DENND2C: variants seen among roughly 807,000 people sequenced by gnomAD.
DENND2C encodes the protein DENN domain containing 2C, also known as DENN domain-containing protein 2C.
A neutral mutation model predicts 112.4 loss-of-function variants in DENND2C; 72 were observed. That is an observed-to-expected ratio of 0.64 (90% CI 0.53 to 0.78). DENND2C has a LOEUF of 0.78. Ranked by LOEUF, DENND2C falls within the 30% of genes least tolerant of loss-of-function variation. DENND2C has a pLI of 0.00. For synonymous variants in DENND2C, 329 were observed against 381.6 expected, an observed-to-expected ratio of 0.86 and a Z score of 1.61; for missense variants, 992 against 1,113.8, an observed-to-expected ratio of 0.89 and a Z score of 1.56.
At chr1:114,612,399 TA>T (rs1655846501) in intron 8 of DENND2C, among the ~76,000 whole-genome samples, 1 of 150,790 alleles carries the variant, frequency 6.6e-6, no homozygotes, top group Non-Finnish European at 1.5e-5. Flanking sequence ...CTGCACAGGC[TA>T]CAGTGCAGTG....
In DENND2C at chr1:114,626,085, TC is replaced by T. The variant is rs1206001374; in HGVS notation, c.-102del. On this transcript the variant is annotated 5_prime_UTR_variant, in exon 4 of 21. The change creates a premature stop within an existing upstream ORF in the 5' untranslated region. Coordinates refer to ENST00000393274, the MANE Select transcript of DENND2C (RefSeq NM_001256404.2). ...TTTATCCTGTCAGAATCCAAATGAT[TC>T]CAGTATTTTCCCTTCATGTTTAACT... The T allele has an allele frequency of 8.4e-7, 1 of 1,193,366 alleles. No homozygotes were observed. The highest frequency in any genetic ancestry group is 1.5e-5 in the African/African-American group (1 of 65,456). 73.9% of individuals were successfully genotyped at this position (1,193,366 alleles called of 1,614,324 possible).
chr1:114,584,085 T>C lies in DENND2C; in HGVS notation c.*1515A>G, dbSNP rs908922865. The C allele has an allele frequency of 1.3e-5, 2 of 152,140 alleles. No homozygotes were observed. Among genetic ancestry groups the C allele is most frequent in the Admixed American group, 1.3e-4 (2 of 15,268 alleles). 9.4% of individuals were successfully genotyped at this position (152,140 alleles called of 1,614,324 possible). ...TATCCTCAGAGCTGAAAAGTGGCTC[T>C]GGTACACTTAATAGAAAATTTTTAT... On this transcript the variant is annotated 3_prime_UTR_variant, in exon 21 of 21. Transcript: ENST00000393274.
intron 2 of DENND2C, among the ~76,000 whole-genome samples, chr1:114,649,451 T>C (rs554119385): frequency 3.9e-5 from 6 of 152,222 alleles, no homozygotes; most frequent in Admixed American, 1.3e-4. Context: ...CATAGTTTAC[T>C]GCAGCCTTGA....
In DENND2C at chr1:114,625,267, T is replaced by C. The variant is rs1002567980; in HGVS notation, c.718A>G (p.Asn240Asp). Residue 240 changes from asparagine (N) to aspartate (D), a missense_variant, in exon 4 of 21, where the codon AAT becomes GAT. By Grantham distance (23) the Asn-to-Asp change is conservative. Coordinates refer to ENST00000393274, the MANE Select transcript of DENND2C (RefSeq NM_001256404.2). ...ERNCDKKYCE[N>D]NSCAQSSLAS... ...AAAGAAGATTGTGCACAAGAGTTATTTTCACAGTATTTTTTGTCACAGTTT... is the reference window on the plus strand; with the variant it reads ...AAAGAAGATTGTGCACAAGAGTTATCTTCACAGTATTTTTTGTCACAGTTT... 6.2e-7 allele frequency: 1 copy of C among 1,614,170 alleles called. No individual in the cohort carries two copies. The highest frequency in any genetic ancestry group is 1.3e-5 in the African/African-American group (1 of 75,064).
intron 3 of DENND2C, among the ~76,000 whole-genome samples, chr1:114,641,186 C>G (rs1656826602): frequency 1.3e-5 from 2 of 149,948 alleles, no homozygotes; most frequent in Admixed American, 1.3e-4. Context: ...ATCCCAGTAC[C>G]TGTTGGGAGG....
intron 7 of DENND2C, 87 bp from the exon 8 acceptor site, chr1:114,618,569 T>G: frequency 1.4e-6 from 1 of 726,644 alleles, no homozygotes; most frequent in South Asian, 2.6e-5. Flanking sequence ...GGATTCTTAT[T>G]CAGAGAAAAG....
At chr1:114,653,430 T>C (rs1293511387) in intron 2 of DENND2C, among the ~76,000 whole-genome samples, 1 of 152,106 alleles carries the variant, frequency 6.6e-6, no homozygotes, top group Non-Finnish European at 1.5e-5. Flanking sequence ...CTTTTTATAC[T>C]ATTAATATCA....
chr1:114,626,097 C>A lies in DENND2C; in HGVS notation c.-113G>T. 1 of 1,136,564 alleles carries A rather than the reference C, an allele frequency of 8.8e-7. No individual in the cohort carries two copies. The highest frequency in any genetic ancestry group is 1.2e-6 in the Non-Finnish European group (1 of 824,536). 70.4% of individuals were successfully genotyped at this position (1,136,564 alleles called of 1,614,324 possible). ...GAATCCAAATGATTCCAGTATTTTC[C>A]CTTCATGTTTAACTTGTAAATCTCT... On this transcript the variant is annotated 5_prime_UTR_variant, in exon 4 of 21. The change creates a premature stop within an existing upstream ORF in the 5' untranslated region. Coordinates refer to ENST00000393274, the MANE Select transcript of DENND2C (RefSeq NM_001256404.2).
rs777416069 is a variant in DENND2C, at chr1:114,625,360, G to T, written c.625C>A (p.Pro209Thr). ...AATGTCCTACGAGGTTTTGGCAAAGGATTTATGGAAGGTCCACATTCTTGC... is the reference window on the plus strand; with the variant it reads ...AATGTCCTACGAGGTTTTGGCAAAGTATTTATGGAAGGTCCACATTCTTGC... ...EGQECGPSIN[P>T]LPKPRRTFRY... Residue 209 changes from proline to threonine, a missense_variant, in exon 4 of 21, where the codon CCT (proline) becomes ACT (threonine). Physicochemically the swap from Pro to Thr is conservative, Grantham distance 38. Around this residue, in one of 3 missense-constraint regions of DENND2C, gnomAD observed 470 missense variants for 472.7 expected, o/e 0.99. Transcript: ENST00000393274. 1 of 1,614,156 alleles carries T rather than the reference G, an allele frequency of 6.2e-7. No individual in the cohort carries two copies. Among genetic ancestry groups the T allele is most frequent in the Non-Finnish European group, 8.5e-7 (1 of 1,180,014 alleles).
At chr1:114,601,207 A>G (rs1208334118) in intron 13 of DENND2C, among the ~76,000 whole-genome samples, 1 of 152,182 alleles carries the variant, frequency 6.6e-6, no homozygotes, top group East Asian at 1.9e-4. Flanking sequence ...TTTTCATCTC[A>G]CTAAGGGAGG....
rs566275538 is a variant in DENND2C at position 114,616,926 on chromosome 1, G to A, written c.1324+1460C>T. ...TCGACTTACAGTTCCATATGGCTAG[G>A]GAGGCCTCAGAATCATGGTGGGAGG... On this transcript the variant is annotated intron_variant, in intron 8 of 20. Transcript: ENST00000393274. 7.2e-5 allele frequency among the ~76,000 whole-genome samples: 11 copies of A among 152,236 alleles called. No individual in the cohort carries two copies. The South Asian group carries it at 1.0e-3, about 14-fold the overall frequency.
intron 3 of DENND2C, among the ~76,000 whole-genome samples, chr1:114,639,836 C>T (rs1290409147): frequency 6.6e-6 from 1 of 151,870 alleles, no homozygotes; most frequent in Non-Finnish European, 1.5e-5. Flanking sequence ...AAATTACAGG[C>T]ATGAACTACC....
intron 7 of DENND2C, among the ~76,000 whole-genome samples, chr1:114,618,750 T>C (rs1166619056): frequency 6.6e-6 from 1 of 152,244 alleles, no homozygotes; most frequent in Non-Finnish European, 1.5e-5. Context: ...TGTCACTCCA[T>C]GTCACAACAT....
intron 1 of DENND2C, among the ~76,000 whole-genome samples, chr1:114,664,798 T>C (rs116473347): frequency 0.014 from 2,139 of 150,230 alleles, 48 homozygotes; most frequent in African/African-American, 0.049. Context: ...GTTTTTTAAT[T>C]AGCAGGGGGT....
rs371842197 is a variant in DENND2C at position 114,600,163 on chromosome 1, A to G, written c.2105+41T>C. 224 of 1,573,734 alleles carry G rather than the reference A, an allele frequency of 1.4e-4. 1 individual carries two copies. The highest frequency in any genetic ancestry group is 1.7e-4 in the Middle Eastern group (1 of 5,890). On this transcript the variant is annotated intron_variant, in intron 15 of 20. Transcript: ENST00000393274. ...CCCAATTTTAAAATTTGGAACAAAT[A>G]AAACACCAGTGTGAAGTAACATATT...
chr1:114,596,022 A>G (rs1351007961), intron 16 of DENND2C, 149 bp from the exon 17 acceptor site: 3 of 684,456 alleles, frequency 4.4e-6, no homozygotes, highest in East Asian at 5.1e-5. Flanking sequence ...TTGCAAGTAA[A>G]AGAATGATGA....
chr1:114,617,729 C>T (rs1420431940), intron 8 of DENND2C, among the ~76,000 whole-genome samples: 1 of 150,298 alleles, frequency 6.7e-6, no homozygotes, highest in South Asian at 2.1e-4. Flanking sequence ...TTTAAAATAT[C>T]CTCAGAGAAA....
intron 1 of DENND2C, among the ~76,000 whole-genome samples, chr1:114,667,550 A>G (rs1353384610): frequency 6.6e-6 from 1 of 152,198 alleles, no homozygotes; most frequent in African/African-American, 2.4e-5. Context: ...TCCCCATGTC[A>G]TTCACTGGCA....
chr1:114,601,515 A>G lies in DENND2C; in HGVS notation c.1808T>C (p.Phe603Ser). The G allele has an allele frequency of 6.2e-7, 1 of 1,611,990 alleles. No individual in the cohort carries two copies. Among genetic ancestry groups the G allele is most frequent in the Admixed American group, 1.7e-5 (1 of 59,830 alleles). Reference protein sequence around the residue: ...MVSRLGCFNLFSKILDEVEKR... With the variant: ...MVSRLGCFNLSSKILDEVEKR... ...AGCTCATTCTCCACTCACCTTTGAA[A>G]AAAGATTGAAGCAGCCTAGGCGACT... The change falls in exon 13 of 21, where the codon TTT becomes TCT. Residue 603 changes from phenylalanine to serine, a missense_variant. This residue lies in a region of DENND2C where 516 missense variants were observed against 623.6 expected (regional missense o/e 0.83). Coordinates refer to ENST00000393274, the MANE Select transcript of DENND2C (RefSeq NM_001256404.2).
Sources: gnomAD v4.1 joint callset for allele counts (sites outside exome capture counted in the v4.1 genomes callset) on GRCh38, gnomAD v4.1.1 for gene constraint, gnomAD v4.1.1 regional missense constraint, MANE v1.5 for transcripts, NCBI Gene and HGNC (gene_info 2026-07-23, HGNC 2026-07-21) for gene names.